The following SNX29 variants were observed in gnomAD, a reference collection of about 807,000 sequenced individuals.
The protein encoded by SNX29 is sorting nexin 29.
Under a neutral mutation model 102.1 loss-of-function variants are expected in SNX29, and 78 were observed. The observed-to-expected ratio is 0.76, with a 90% CI of 0.64 to 0.92. SNX29 has a LOEUF of 0.92. Ranked by LOEUF, SNX29 falls within the 40% of genes least tolerant of loss-of-function variation. The pLI, the probability that SNX29 is intolerant of heterozygous loss-of-function variation, is 0.00. For synonymous variants in SNX29, 580 were observed against 414.5 expected (o/e 1.40, Z -4.85); for missense variants, 1,280 against 1,061.7 (o/e 1.21, Z -2.86).
intron 11 of SNX29, among the ~76,000 whole-genome samples, chr16:12,113,215 T>G (rs1303213109): frequency 6.6e-6 from 1 of 152,188 alleles, no homozygotes; most frequent in Non-Finnish European, 1.5e-5. Flanking sequence ...CCTAATCTCT[T>G]TTCCCCATTG....
chr16:12,034,733 A>G (rs2057428097), intron 4 of SNX29, among the ~76,000 whole-genome samples: 1 of 152,320 alleles, frequency 6.6e-6, no homozygotes, highest in East Asian at 1.9e-4. Context: ...CTGATGTCTC[A>G]TAAATTAAGA....
chr16:12,181,527 G>A (rs1314471356), intron 13 of SNX29, among the ~76,000 whole-genome samples: 1 of 152,204 alleles, frequency 6.6e-6, no homozygotes, highest in African/African-American at 2.4e-5. Flanking sequence ...AATAGAATGG[G>A]AGGCAGGTTT....
intron 19 of SNX29, among the ~76,000 whole-genome samples, chr16:12,523,274 T>C (rs1459837343): frequency 6.6e-6 from 1 of 152,148 alleles, no homozygotes; most frequent in African/African-American, 2.4e-5. Context: ...CTGGGCGAGG[T>C]ACCGAGGCCC....
chr16:12,289,057 T>A (rs908283122), intron 15 of SNX29, among the ~76,000 whole-genome samples: 1 of 152,138 alleles, frequency 6.6e-6, no homozygotes, highest in Non-Finnish European at 1.5e-5. Flanking sequence ...TATTAGCTTG[T>A]CAAGAACTAG....
In SNX29 at chr16:12,212,774, TGAGTG is replaced by T. The variant is rs551139438; in HGVS notation, c.1678+13095_1678+13099del. On this transcript the variant is annotated intron_variant, in intron 14 of 20. Coordinates refer to ENST00000566228, the MANE Select transcript of SNX29 (RefSeq NM_032167.5). ...GATGTGTACTTTGCAAATACTTTCTTGAGTGGAGAAAGAAAACGTGGTATGTATAC... is the reference window on the plus strand; with the variant it reads ...GATGTGTACTTTGCAAATACTTTCTTGAGAAAGAAAACGTGGTATGTATAC... Among the ~76,000 whole-genome samples the T allele has an allele frequency of 5.3e-5, 8 of 152,340 alleles. No homozygotes were observed. In the East Asian group the frequency reaches 1.5e-3, roughly 29 times the overall value.
chr16:12,384,044 A>G (rs1429172259), intron 16 of SNX29, among the ~76,000 whole-genome samples: 1 of 152,208 alleles, frequency 6.6e-6, no homozygotes, highest in East Asian at 1.9e-4. Flanking sequence ...GTTGCAAATG[A>G]CAGGCTCTTT....
intron 3 of SNX29, among the ~76,000 whole-genome samples, chr16:12,015,977 G>T (rs1419015843): frequency 6.6e-6 from 1 of 151,582 alleles, no homozygotes; most frequent in Non-Finnish European, 1.5e-5. Flanking sequence ...CAATTCTCCT[G>T]TCTCAGCCTC....
intron 20 of SNX29, chr16:12,560,898 T>TC: frequency 5.2e-6 from 1 of 193,774 alleles, no homozygotes; most frequent in East Asian, 8.1e-5. Flanking sequence ...AGCAGTGGCT[T>TC]TTTTAATCCT....
At chr16:12,141,754 CG>C (rs1567243970) in intron 13 of SNX29, among the ~76,000 whole-genome samples, 1 of 152,172 alleles carries the variant, frequency 6.6e-6, no homozygotes, top group African/African-American at 2.4e-5. Context: ...GCAGTGAGGA[CG>C]ACCAGAGGTC....
At chr16:12,488,054 G>T (rs887264563) in intron 19 of SNX29, among the ~76,000 whole-genome samples, 1 of 152,170 alleles carries the variant, frequency 6.6e-6, no homozygotes, top group Non-Finnish European at 1.5e-5. Context: ...TATGTATGTG[G>T]AGGCCTATGC....
At chr16:12,118,961 G>A (rs350209) in intron 11 of SNX29, among the ~76,000 whole-genome samples, 5 of 152,008 alleles carry the variant, frequency 3.3e-5, no homozygotes, top group South Asian at 2.1e-4. Context: ...TAAAAATGGC[G>A]GTGCAAATGT....
chr16:12,555,988 G>GT (rs577174159), intron 20 of SNX29, among the ~76,000 whole-genome samples: 31,158 of 151,870 alleles, frequency 0.21, 3,391 homozygotes, highest in East Asian at 0.46. Context: ...ATTTTCAAGT[G>GT]TTTTTTTTGT....
At chr16:12,512,151 G>A (rs911540232) in intron 19 of SNX29, among the ~76,000 whole-genome samples, 1 of 151,644 alleles carries the variant, frequency 6.6e-6, no homozygotes, top group East Asian at 2.0e-4. Context: ...TGTCCCCCAG[G>A]GGATGTAGGG....
At chr16:12,188,578 G>A (rs1476906493) in intron 13 of SNX29, among the ~76,000 whole-genome samples, 1 of 152,188 alleles carries the variant, frequency 6.6e-6, no homozygotes, top group East Asian at 1.9e-4. Flanking sequence ...CTTCTTGAGT[G>A]ACGAGTTGTT....
intron 16 of SNX29, among the ~76,000 whole-genome samples, chr16:12,383,860 C>G (rs73508081): frequency 0.046 from 6,990 of 151,376 alleles, 324 homozygotes; most frequent in African/African-American, 0.12. Context: ...TTCCTCCGCC[C>G]TCCTCCCTCC....
intron 16 of SNX29, among the ~76,000 whole-genome samples, chr16:12,390,465 T>C (rs1194858750): frequency 6.6e-6 from 1 of 152,180 alleles, no homozygotes; most frequent in Admixed American, 6.5e-5. Flanking sequence ...CTGTCTCTCC[T>C]GGTGGATTGT....
chr16:12,006,893 A>T (rs2151038031), intron 3 of SNX29, among the ~76,000 whole-genome samples: 1 of 152,344 alleles, frequency 6.6e-6, no homozygotes, highest in South Asian at 2.1e-4. Flanking sequence ...TGTTGGTATT[A>T]CAGGTATGAG....
chr16:12,314,535 G>C (rs747247421), intron 15 of SNX29, among the ~76,000 whole-genome samples: 14 of 152,208 alleles, frequency 9.2e-5, no homozygotes, highest in Non-Finnish European at 1.6e-4. Flanking sequence ...ATAGTGGTTT[G>C]TTGTGAGGAC....
intron 14 of SNX29, among the ~76,000 whole-genome samples, chr16:12,221,115 TC>T (rs199823769): frequency 0.043 from 6,509 of 151,202 alleles, 483 homozygotes; most frequent in African/African-American, 0.15. Context: ...AGTTTTTTTT[TC>T]TTCTTCTTCT....
Sources: allele counts gnomAD v4.1 joint callset (sites outside exome capture counted in the v4.1 genomes callset), GRCh38; gene constraint gnomAD v4.1.1; transcripts MANE v1.5; gene names NCBI Gene and HGNC (gene_info 2026-07-23, HGNC 2026-07-21).